ITPKB: variants seen among roughly 807,000 people sequenced by gnomAD.
The protein encoded by ITPKB is IP3 3-kinase B.
Under a neutral mutation model 69.4 loss-of-function variants are expected in ITPKB, and 13 were observed. That is an observed-to-expected ratio of 0.19 (90% CI 0.12 to 0.30). ITPKB has a LOEUF of 0.30. Among genes scored for constraint, ITPKB ranks in the 10% least tolerant of loss-of-function variants. The pLI, the probability that ITPKB is intolerant of heterozygous loss-of-function variation, is 1.00. For synonymous variants in ITPKB, 584 were observed against 513.7 expected, an observed-to-expected ratio of 1.14 and a Z score of -1.85; for missense variants, 1,240 against 1,250.5, an observed-to-expected ratio of 0.99 and a Z score of 0.13.
intron 2 of ITPKB, among the ~76,000 whole-genome samples, chr1:226,715,670 C>T (rs899218232): frequency 4.6e-5 from 7 of 152,126 alleles, no homozygotes; most frequent in Non-Finnish European, 1.0e-4. Context: ...TTTTGTATAG[C>T]AATATTTTGT....
intron 2 of ITPKB, among the ~76,000 whole-genome samples, chr1:226,688,533 C>G (rs948691131): frequency 1.3e-5 from 2 of 152,210 alleles, no homozygotes; most frequent in Admixed American, 6.5e-5. Context: ...CAACTCTTGA[C>G]AGCAGCAGCC....
At chr1:226,638,391 G>C (rs1668883136) in intron 6 of ITPKB, among the ~76,000 whole-genome samples, 1 of 152,214 alleles carries the variant, frequency 6.6e-6, no homozygotes, top group African/African-American at 2.4e-5. Flanking sequence ...AGATTTCCCA[G>C]TTCCAGCCGG....
intron 2 of ITPKB, among the ~76,000 whole-genome samples, chr1:226,715,492 C>T (rs1327048776): frequency 1.3e-5 from 2 of 152,208 alleles, no homozygotes; most frequent in Non-Finnish European, 2.9e-5. Flanking sequence ...CACAACCATC[C>T]TGGAAGAATG....
intron 2 of ITPKB, among the ~76,000 whole-genome samples, chr1:226,725,832 G>A (rs942403739): frequency 1.4e-4 from 21 of 152,202 alleles, no homozygotes; most frequent in African/African-American, 3.4e-4. Context: ...AAACCGGGGC[G>A]TTATCCAGAA....
chr1:226,712,217 C>T (rs147831948), intron 2 of ITPKB, among the ~76,000 whole-genome samples: 4 of 152,304 alleles, frequency 2.6e-5, no homozygotes, highest in South Asian at 2.1e-4. Flanking sequence ...GGGCTCACTG[C>T]GAGGCAACCC....
At chr1:226,639,525 G>T in intron 6 of ITPKB, 32 bp downstream of exon 6, 1 of 1,410,510 alleles carries the variant, frequency 7.1e-7, no homozygotes, top group Non-Finnish European at 1.0e-6. Context: ...CTGGCTGGCT[G>T]GAGAGACCCT....
intron 2 of ITPKB, among the ~76,000 whole-genome samples, chr1:226,658,231 TGCTTCTCCTAG>T (rs1669333185): frequency 6.6e-6 from 1 of 152,252 alleles, no homozygotes; most frequent in Non-Finnish European, 1.5e-5. Context: ...AAAAGCCTGG[TGCTTCTCCTAG>T]GCTGCAGAGT....
chr1:226,691,408 T>A (rs1396250793), intron 2 of ITPKB, among the ~76,000 whole-genome samples: 3 of 152,060 alleles, frequency 2.0e-5, no homozygotes, highest in Admixed American at 6.6e-5. Flanking sequence ...GGGGCCTGGC[T>A]GGGGGGACTC....
chr1:226,695,730 A>G (rs564805474), intron 2 of ITPKB, among the ~76,000 whole-genome samples: 22 of 152,324 alleles, frequency 1.4e-4, no homozygotes, highest in African/African-American at 5.3e-4. Context: ...GTCGGTGTGC[A>G]GCAGAATTGG....
intron 2 of ITPKB, chr1:226,707,977 C>T (rs530080441): frequency 1.8e-6 from 2 of 1,089,756 alleles, no homozygotes; most frequent in South Asian, 1.4e-5. Flanking sequence ...ATGGCAATAA[C>T]TGCAACAAAA....
Position 226,736,157 on chromosome 1 carries a change from C to A in ITPKB, c.1302G>T (p.Gly434=), listed in dbSNP as rs756851474. 1.3e-6 allele frequency: 2 copies of A among 1,559,732 alleles called. No individual in the cohort carries two copies. Among genetic ancestry groups the A allele is most frequent in the Admixed American group, 1.9e-5 (1 of 54,000 alleles). The part of the protein sequence containing the change: ...EEARSGAPVG[G]GRWQLSDRVE... ...CTCTGTCGGAGAGCTGCCAACGCCC[C>A]CCGCCCACGGGGGCCCCACTTCGGG... is the stretch of plus-strand genomic sequence containing the variant. Residue 434 remains glycine (G), a synonymous_variant, in exon 2 of 8, where the codon GGG becomes GGT. Transcript: ENST00000429204.
Position 226,634,637 on chromosome 1 carries a change from G to A in ITPKB, c.*34C>T, listed in dbSNP as rs1668789627. ...AAGGAAGCACAGGAGGAGGAAAGGA[G>A]GCCCAGGCGGGGGCCAGGGAGGGCG... is the stretch of plus-strand genomic sequence containing the variant. On this transcript the variant is annotated 3_prime_UTR_variant, in exon 8 of 8. Coordinates refer to ENST00000429204, the MANE Select transcript of ITPKB (RefSeq NM_002221.4). This position sits in a 1 kb window ranked among gnomAD's most constrained non-coding sequence, Gnocchi z 6.3. 1.3e-6 allele frequency: 1 copy of A among 762,538 alleles called. No homozygotes were observed. Among genetic ancestry groups the A allele is most frequent in the Non-Finnish European group, 2.5e-6 (1 of 406,362 alleles). 47.2% of individuals were successfully genotyped at this position (762,538 alleles called of 1,614,324 possible).
chr1:226,677,917 G>A (rs751880538), intron 2 of ITPKB, among the ~76,000 whole-genome samples: 7 of 152,196 alleles, frequency 4.6e-5, no homozygotes, highest in Non-Finnish European at 8.8e-5. Flanking sequence ...AGGAGGAGAC[G>A]AGGAGCTTCA....
chr1:226,723,801 A>C (rs1042349281), intron 2 of ITPKB, among the ~76,000 whole-genome samples: 4 of 152,094 alleles, frequency 2.6e-5, no homozygotes, highest in Admixed American at 2.6e-4. Context: ...GTGTAACCTG[A>C]CACCTCTTGC....
chr1:226,647,473 T>A (rs1669084655), intron 3 of ITPKB, 93 bp from the exon 4 acceptor site: 1 of 867,806 alleles, frequency 1.2e-6, no homozygotes, highest in African/African-American at 1.7e-5. Flanking sequence ...TCCCTGGGGA[T>A]GGCTAAGCCT....
Position 226,683,068 on chromosome 1 carries a change from A to C in ITPKB, c.1933-34297T>G, listed in dbSNP as rs114813429. ...TCCTACTTTACACCATGATGCTCTG[A>C]GGGAAGCCAGGCCCTAGAGGGGCAG... On this transcript the variant is annotated intron_variant, in intron 2 of 7. Transcript: ENST00000429204. Among the ~76,000 whole-genome samples the C allele has an allele frequency of 9.5e-3, 1,448 of 152,310 alleles. 13 individuals carry two copies. Among genetic ancestry groups the C allele is most frequent in the Middle Eastern group, 0.017 (5 of 294 alleles).
At chr1:226,685,320 G>A (rs965676127) in intron 2 of ITPKB, among the ~76,000 whole-genome samples, 2 of 152,068 alleles carry the variant, frequency 1.3e-5, no homozygotes, top group East Asian at 1.9e-4. Context: ...ACGCATGCCC[G>A]CTCTGCCCCA....
chr1:226,720,912 C>T (rs1295314471), intron 2 of ITPKB, among the ~76,000 whole-genome samples: 1 of 151,940 alleles, frequency 6.6e-6, no homozygotes, highest in East Asian at 1.9e-4. Flanking sequence ...CATGGTGGCA[C>T]CTGTCTGTAA....
chr1:226,653,374 G>T (rs566246545), intron 2 of ITPKB, among the ~76,000 whole-genome samples: 7 of 152,204 alleles, frequency 4.6e-5, no homozygotes, highest in African/African-American at 1.7e-4. Context: ...GGAAGGACAA[G>T]AGCAAGATTC....
Sources: gnomAD v4.1 joint callset for allele counts (sites outside exome capture counted in the v4.1 genomes callset) on GRCh38, gnomAD v4.1.1 for gene constraint, Gnocchi (gnomAD v3.1) non-coding constraint, MANE v1.5 for transcripts, NCBI Gene and HGNC (gene_info 2026-07-23, HGNC 2026-07-21) for gene names.